The following CCDC85C variants were observed in gnomAD, a reference collection of about 807,000 sequenced individuals.
CCDC85C encodes coiled-coil domain-containing protein 85C.
In CCDC85C, 18 loss-of-function variants were observed where a neutral mutation model predicts 38.3. The observed-to-expected ratio is 0.47, with a 90% CI of 0.33 to 0.70. The LOEUF is 0.70. Ranked by LOEUF, CCDC85C falls within the 30% of genes least tolerant of loss-of-function variation. CCDC85C has a pLI of 0.03. For synonymous variants in CCDC85C, 264 were observed against 293.8 expected (o/e 0.90, Z 1.04); for missense variants, 566 against 621.2 (o/e 0.91, Z 0.94).
intron 5 of CCDC85C, 126 bp from the exon 6 acceptor site, chr14:99,515,461 G>A (rs374867146): frequency 3.6e-5 from 24 of 663,760 alleles, no homozygotes; most frequent in Non-Finnish European, 3.9e-5. Flanking sequence ...GGAGGGACAC[G>A]GAGGCCACTG....
rs562472573 is a variant in CCDC85C at position 99,547,762 on chromosome 14, A to C, written c.794-11674T>G. On this transcript the variant is annotated intron_variant, in intron 1 of 5. Coordinates refer to ENST00000380243, the MANE Select transcript of CCDC85C (RefSeq NM_001144995.2). Reference sequence around the variant, plus strand: ...GCACTCCAGCCTGGGTGACAGAGCGAGACTCTGTCCCAAAGAAAAAAAAAA... The same window carrying C: ...GCACTCCAGCCTGGGTGACAGAGCGCGACTCTGTCCCAAAGAAAAAAAAAA... Among the ~76,000 whole-genome samples the C allele has an allele frequency of 2.0e-5, 3 of 151,930 alleles. No individual in the cohort carries two copies. The East Asian group carries it at 5.8e-4, about 30-fold the overall frequency.
chr14:99,568,764 G>A (rs1414173628), intron 1 of CCDC85C, among the ~76,000 whole-genome samples: 1 of 152,222 alleles, frequency 6.6e-6, no homozygotes, highest in Non-Finnish European at 1.5e-5. Context: ...TAGTGGTTTG[G>A]CCCAAAGCCA....
chr14:99,581,499 C>T (rs974925423), intron 1 of CCDC85C, among the ~76,000 whole-genome samples: 2 of 152,234 alleles, frequency 1.3e-5, no homozygotes, highest in Non-Finnish European at 2.9e-5. Context: ...GGCCACTCCA[C>T]GGGTGGGCAG....
chr14:99,522,094 C>CA (rs763057667), intron 3 of CCDC85C, 39 bp downstream of exon 3: 1 of 1,485,166 alleles, frequency 6.7e-7, no homozygotes, highest in African/African-American at 1.4e-5. Context: ...CTCAGCCCCT[C>CA]ATCCAGAACA....
Position 99,500,915 on chromosome 14 carries a change from A to G in CCDC85C, c.*14331T>C. ...GAAGAATTTTTTCATTCTGAAATCAAGTCTTTATAATTTGATGACACTCAA... is the reference window on the plus strand; with the variant it reads ...GAAGAATTTTTTCATTCTGAAATCAGGTCTTTATAATTTGATGACACTCAA... On this transcript the variant is annotated 3_prime_UTR_variant, in exon 6 of 6. Transcript: ENST00000380243. 8.3e-7 allele frequency: 1 copy of G among 1,202,632 alleles called. No homozygotes were observed. 74.5% of individuals were successfully genotyped at this position (1,202,632 alleles called of 1,614,324 possible).
chr14:99,528,823 A>G (rs1374297246), intron 2 of CCDC85C, among the ~76,000 whole-genome samples: 1 of 150,954 alleles, frequency 6.6e-6, no homozygotes, highest in Non-Finnish European at 1.5e-5. Flanking sequence ...GGAACAACAC[A>G]CACTGGGGCG....
intron 1 of CCDC85C, among the ~76,000 whole-genome samples, chr14:99,586,366 TGAA>T (rs1166739564): frequency 6.6e-6 from 1 of 152,216 alleles, no homozygotes; most frequent in Non-Finnish European, 1.5e-5. Flanking sequence ...GCGGCACTGC[TGAA>T]GAAGATGGCC....
chr14:99,564,017 C>G (rs1297656846), intron 1 of CCDC85C, among the ~76,000 whole-genome samples: 1 of 152,190 alleles, frequency 6.6e-6, no homozygotes, highest in Non-Finnish European at 1.5e-5. Flanking sequence ...CGTTTTCCTG[C>G]AGGAAAAATT....
At chr14:99,575,672 C>T (rs1050125951) in intron 1 of CCDC85C, among the ~76,000 whole-genome samples, 10 of 152,306 alleles carry the variant, frequency 6.6e-5, no homozygotes, top group Non-Finnish European at 1.5e-4. Flanking sequence ...ATGTGCTGGG[C>T]CTGCAGGCTG....
rs1897224797 is a variant in CCDC85C, at chr14:99,516,336, C to T, written c.1072-50G>A. The T allele has an allele frequency of 1.5e-6, 2 of 1,378,038 alleles. No homozygotes were observed. The highest frequency in any genetic ancestry group is 2.0e-6 in the Non-Finnish European group (2 of 991,736). 85.4% of individuals were successfully genotyped at this position (1,378,038 alleles called of 1,614,324 possible). A position where few individuals can be genotyped will look rare whatever the true frequency, so the allele number is the denominator to read the frequency against. ...AGGGGCAGAGGCCACCGGCAGACCT[C>T]GGGCAAGTCACCTGGCCCCTGATCC... On this transcript the variant is annotated intron_variant, in intron 4 of 5. Transcript: ENST00000380243. This position sits in a 1 kb window ranked among gnomAD's most constrained non-coding sequence, Gnocchi z 5.5.
At chr14:99,559,870 G>A (rs1328389861) in intron 1 of CCDC85C, among the ~76,000 whole-genome samples, 1 of 152,146 alleles carries the variant, frequency 6.6e-6, no homozygotes, top group Non-Finnish European at 1.5e-5. Flanking sequence ...CTGCCCGGGA[G>A]AGAACACACA....
At position 99,503,206 on chromosome 14, in the gene CCDC85C, G is replaced by C. The variant is rs1896883611; in HGVS notation, c.*12040C>G. On this transcript the variant is annotated 3_prime_UTR_variant, in exon 6 of 6. Coordinates refer to ENST00000380243, the MANE Select transcript of CCDC85C (RefSeq NM_001144995.2). ...GGAGGGGGCTCTCTGCCCGGCTCCA[G>C]CCCTGCTGCCTGTTTCATCCCTGCC... 1 of 691,930 alleles carries C rather than the reference G, an allele frequency of 1.4e-6. No homozygotes were observed. Among genetic ancestry groups the C allele is most frequent in the Non-Finnish European group, 2.6e-6 (1 of 383,084 alleles). 42.9% of individuals were successfully genotyped at this position (691,930 alleles called of 1,614,324 possible). A position where few individuals can be genotyped will look rare whatever the true frequency, so the allele number is the denominator to read the frequency against.
intron 2 of CCDC85C, among the ~76,000 whole-genome samples, chr14:99,524,694 C>T (rs150822625): frequency 1.3e-5 from 2 of 152,340 alleles, no homozygotes; most frequent in Admixed American, 6.5e-5. Flanking sequence ...TGAGACAGGT[C>T]GCTGCCTTTG....
rs1896869414 is a variant in CCDC85C, at chr14:99,502,856, C to G, written c.*12390G>C. 2 of 1,613,342 alleles carry G rather than the reference C, an allele frequency of 1.2e-6. No homozygotes were observed. The highest frequency in any genetic ancestry group is 1.7e-6 in the Non-Finnish European group (2 of 1,179,540). On this transcript the variant is annotated 3_prime_UTR_variant, in exon 6 of 6. Transcript: ENST00000380243. The stretch of plus-strand genomic sequence containing the variant: ...GCAAGTACAGCAGTCACAGCCGTCT[C>G]AAAGCTCCGAACCATCCCAGCCCCA...
chr14:99,503,909 C>T lies in CCDC85C; in HGVS notation c.*11337G>A, dbSNP rs1315173277. ...AACATATATAAAAGTATAATTATGG[C>T]TGTAGGAGAACTGTTGCTGCAATTT... On this transcript the variant is annotated 3_prime_UTR_variant, in exon 6 of 6. Coordinates refer to ENST00000380243, the MANE Select transcript of CCDC85C (RefSeq NM_001144995.2). 1 of 480,910 alleles carries T rather than the reference C, an allele frequency of 2.1e-6. No individual in the cohort carries two copies. The highest frequency in any genetic ancestry group is 3.7e-6 in the Non-Finnish European group (1 of 269,122). The allele number at this position is 480,910 out of a possible 1,614,324, so 29.8% of individuals were successfully genotyped here.
In CCDC85C at chr14:99,512,852, CCTT is replaced by C. The variant is rs1457878254; in HGVS notation, c.*2391_*2393del. 6.6e-6 allele frequency: 1 copy of C among 151,758 alleles called. No individual in the cohort carries two copies. The highest frequency in any genetic ancestry group is 6.5e-5 in the Admixed American group (1 of 15,282). 9.4% of individuals were successfully genotyped at this position (151,758 alleles called of 1,614,324 possible). ...TTCCCCTGTGGGAAGCCCCATCTGACCTTCTACAGCCCACGGCTCTGCAACTGC... is the reference window on the plus strand; with the variant it reads ...TTCCCCTGTGGGAAGCCCCATCTGACCTACAGCCCACGGCTCTGCAACTGC... On this transcript the variant is annotated 3_prime_UTR_variant, in exon 6 of 6. Coordinates refer to ENST00000380243, the MANE Select transcript of CCDC85C (RefSeq NM_001144995.2).
In CCDC85C at chr14:99,603,374, CG is replaced by C; in HGVS notation, c.585del (p.Gly196AlafsTer83). 8.0e-7 allele frequency: 1 copy of C among 1,252,330 alleles called. No homozygotes were observed. 77.6% of individuals were successfully genotyped at this position (1,252,330 alleles called of 1,614,324 possible). A position where few individuals can be genotyped will look rare whatever the true frequency, so the allele number is the denominator to read the frequency against. On this transcript the variant is annotated frameshift_variant, in exon 1 of 6. Coordinates refer to ENST00000380243, the MANE Select transcript of CCDC85C (RefSeq NM_001144995.2). LOFTEE classifies it high-confidence loss of function. The surrounding 1 kb of genome is among the most constrained non-coding windows in gnomAD (Gnocchi z 7.5). ...SLSGPLSGGAPGAGARDVGDG... is the reference protein window; with the variant it reads ...SLSGPLSGGAXGAGARDVGDG... ...TCGCCCACGTCGCGGGCCCCCGCGC[CG>C]GGCGCGCCACCCGACAGCGGCCCGC...
In CCDC85C at chr14:99,599,234, C is replaced by G. The variant is rs536882909; in HGVS notation, c.793+3933G>C. Among the ~76,000 whole-genome samples, 89 of 152,086 alleles carry G rather than the reference C, an allele frequency of 5.9e-4. 1 individual carries two copies. Among genetic ancestry groups the G allele is most frequent in the Non-Finnish European group, 1.2e-3 (82 of 68,028 alleles). Reference sequence around the variant, plus strand: ...AACAAACCTGTCTCATTTTGAGAAGCTCAAAATTTTAATCCGAACTTTAAA... The same window carrying G: ...AACAAACCTGTCTCATTTTGAGAAGGTCAAAATTTTAATCCGAACTTTAAA... On this transcript the variant is annotated intron_variant, in intron 1 of 5. Transcript: ENST00000380243.
Position 99,548,564 on chromosome 14 carries a change from T to C in CCDC85C, c.794-12476A>G, listed in dbSNP as rs1897849107. ...CAAGACCGTGTCTGCCAACACCAGC[T>C]GTACTAGTGAAAACTGTAAACCACC... On this transcript the variant is annotated intron_variant, in intron 1 of 5. Coordinates refer to ENST00000380243, the MANE Select transcript of CCDC85C (RefSeq NM_001144995.2). The surrounding 1 kb of genome is among the most constrained non-coding windows in gnomAD (Gnocchi z 4.9). 6.7e-6 allele frequency among the ~76,000 whole-genome samples: 1 copy of C among 149,218 alleles called. No homozygotes were observed. Among genetic ancestry groups the C allele is most frequent in the Non-Finnish European group, 1.5e-5 (1 of 67,562 alleles).
Sources: gnomAD v4.1 joint callset for allele counts (sites outside exome capture counted in the v4.1 genomes callset) on GRCh38, gnomAD v4.1.1 for gene constraint, Gnocchi (gnomAD v3.1) non-coding constraint, MANE v1.5 for transcripts, NCBI Gene and HGNC (gene_info 2026-07-23, HGNC 2026-07-21) for gene names.